Variants in GRK5 observed in about 807,000 individuals in gnomAD.
GRK5 encodes the protein G protein-coupled receptor kinase 5.
Under a neutral mutation model 78.4 loss-of-function variants are expected in GRK5, and 40 were observed. The observed-to-expected ratio is 0.51, with a 90% CI of 0.40 to 0.66. GRK5 has a LOEUF of 0.66. Among genes scored for constraint, GRK5 ranks in the 30% least tolerant of loss-of-function variants. GRK5 has a pLI of 0.00. For missense variants in GRK5, 598 were observed against 759.9 expected, an observed-to-expected ratio of 0.79 and a Z score of 2.50; for synonymous variants, 289 against 296.8, an observed-to-expected ratio of 0.97 and a Z score of 0.27.
At chr10:119,320,814 T>A (rs1265317412) in intron 1 of GRK5, among the ~76,000 whole-genome samples, 1 of 152,218 alleles carries the variant, frequency 6.6e-6, no homozygotes, top group African/African-American at 2.4e-5. Context: ...CCATTCCTGC[T>A]GCTGGGACCT....
chr10:119,444,611 G>A (rs1853106481), intron 12 of GRK5, among the ~76,000 whole-genome samples: 1 of 152,176 alleles, frequency 6.6e-6, no homozygotes, highest in African/African-American at 2.4e-5. Flanking sequence ...ACTGCAAGCA[G>A]CTGCCCTCTA....
At chr10:119,401,992 G>C (rs1315937829) in intron 4 of GRK5, among the ~76,000 whole-genome samples, 1 of 152,184 alleles carries the variant, frequency 6.6e-6, no homozygotes, top group African/African-American at 2.4e-5. Context: ...GATCCTGGCT[G>C]CTCCTGTGGC....
intron 1 of GRK5, among the ~76,000 whole-genome samples, chr10:119,290,795 T>A (rs993959833): frequency 1.3e-5 from 2 of 152,010 alleles, no homozygotes; most frequent in Admixed American, 6.6e-5. Context: ...TCTGCTCACA[T>A]CGGTCCTGCA....
intron 15 of GRK5, among the ~76,000 whole-genome samples, chr10:119,454,620 C>T (rs1038628672): frequency 1.3e-5 from 2 of 152,190 alleles, no homozygotes; most frequent in Non-Finnish European, 2.9e-5. Context: ...TCCCGTGTTA[C>T]AGGAGAGGAA....
At chr10:119,300,916 C>T (rs986333356) in intron 1 of GRK5, among the ~76,000 whole-genome samples, 3 of 152,030 alleles carry the variant, frequency 2.0e-5, no homozygotes, top group African/African-American at 7.3e-5. Flanking sequence ...ATGGTAAAAC[C>T]CCGTATCAAC....
rs575547193 is a variant in GRK5, at chr10:119,305,082, G to A, written c.53-21434G>A. 1.1e-4 allele frequency among the ~76,000 whole-genome samples: 16 copies of A among 151,942 alleles called. No homozygotes were observed. The South Asian group carries it at 2.9e-3, about 28-fold the overall frequency. On this transcript the variant is annotated intron_variant, in intron 1 of 15. Transcript: ENST00000392870. ...AAAAATCTTGGGTGTCTGGCTGTGG[G>A]GAGCTGCAGGAAAGCCCAGATGAGG... is the stretch of plus-strand genomic sequence containing the variant.
At chr10:119,229,054 T>C (rs1008115458) in intron 1 of GRK5, among the ~76,000 whole-genome samples, 1 of 152,170 alleles carries the variant, frequency 6.6e-6, no homozygotes, top group African/African-American at 2.4e-5. Context: ...CTGTTTTGAC[T>C]CCGCTAGATG....
intron 4 of GRK5, among the ~76,000 whole-genome samples, chr10:119,413,696 T>G (rs562041207): frequency 6.6e-6 from 1 of 152,166 alleles, no homozygotes; most frequent in East Asian, 1.9e-4. Context: ...TCCACATCTG[T>G]GACCCCGGAA....
chr10:119,443,482 G>T, intron 11 of GRK5, 62 bp from the exon 12 acceptor site: 1 of 1,475,818 alleles, frequency 6.8e-7, no homozygotes, highest in South Asian at 1.2e-5. Flanking sequence ...CAGGCCTTCT[G>T]TGAGCAGCGC....
At chr10:119,432,965 G>C (rs1852848900) in intron 8 of GRK5, among the ~76,000 whole-genome samples, 1 of 152,168 alleles carries the variant, frequency 6.6e-6, no homozygotes, top group Non-Finnish European at 1.5e-5. Flanking sequence ...CAGCTACTTG[G>C]GAGGCTGAGG....
intron 1 of GRK5, among the ~76,000 whole-genome samples, chr10:119,317,383 TGC>T (rs1850507680): frequency 7.6e-6 from 1 of 132,070 alleles, no homozygotes; most frequent in South Asian, 2.5e-4. Context: ...TGTGTGTGTG[TGC>T]CCAAAATAGG....
intron 10 of GRK5, 81 bp downstream of exon 10, chr10:119,439,849 G>C (rs1423699356): frequency 7.0e-7 from 1 of 1,423,826 alleles, no homozygotes; most frequent in Non-Finnish European, 9.9e-7. Flanking sequence ...TTCTCAGAGA[G>C]GGCTGGGGAA....
At chr10:119,296,436 G>A (rs955387956) in intron 1 of GRK5, among the ~76,000 whole-genome samples, 8 of 152,202 alleles carry the variant, frequency 5.3e-5, no homozygotes, top group African/African-American at 1.9e-4. Context: ...TAAAGGGAGA[G>A]GAACCACTGG....
intron 2 of GRK5, chr10:119,333,443 T>G (rs1589750076): frequency 4.7e-6 from 1 of 211,490 alleles, no homozygotes; most frequent in East Asian, 1.4e-4. Context: ...TGATGTCAGG[T>G]TTTCACAGAA....
At chr10:119,397,718 C>T (rs556864817) in intron 4 of GRK5, among the ~76,000 whole-genome samples, 1 of 152,362 alleles carries the variant, frequency 6.6e-6, no homozygotes, top group Non-Finnish European at 1.5e-5. Flanking sequence ...CAACCTCCTG[C>T]ACCTCTTGCA....
chr10:119,336,962 G>A lies in GRK5; in HGVS notation c.148+10351G>A, dbSNP rs989291020. On this transcript the variant is annotated intron_variant, in intron 2 of 15. Coordinates refer to ENST00000392870, the MANE Select transcript of GRK5 (RefSeq NM_005308.3). The surrounding 1 kb of genome is among the most constrained non-coding windows in gnomAD (Gnocchi z 4.5). Reference sequence around the variant, plus strand: ...CGGCCGGAAGCTCCTTGAAAGAGAAGGCACGAGCTCAGGCACATGCAAGAT... The same window carrying A: ...CGGCCGGAAGCTCCTTGAAAGAGAAAGCACGAGCTCAGGCACATGCAAGAT... Among the ~76,000 whole-genome samples, 1 of 152,156 alleles carries A rather than the reference G, an allele frequency of 6.6e-6. No homozygotes were observed. Among genetic ancestry groups the A allele is most frequent in the Non-Finnish European group, 1.5e-5 (1 of 68,028 alleles).
intron 1 of GRK5, among the ~76,000 whole-genome samples, chr10:119,255,598 C>T (rs1312390684): frequency 6.6e-6 from 1 of 152,214 alleles, no homozygotes; most frequent in Non-Finnish European, 1.5e-5. Context: ...ACTCAGAGAG[C>T]TCTGTGGCTG....
At chr10:119,224,385 ATTTATTAT>A (rs946078446) in intron 1 of GRK5, among the ~76,000 whole-genome samples, 5 of 121,922 alleles carry the variant, frequency 4.1e-5, no homozygotes, top group African/African-American at 1.1e-4. Flanking sequence ...TTATTTATTA[ATTTATTAT>A]TTATTTATTT....
chr10:119,351,388 T>G (rs1186867322), intron 2 of GRK5, among the ~76,000 whole-genome samples: 1 of 152,132 alleles, frequency 6.6e-6, no homozygotes, highest in East Asian at 1.9e-4. Flanking sequence ...AGTTGAATCA[T>G]GGGGGTGGTT....
Sources: gnomAD v4.1 joint callset for allele counts (sites outside exome capture counted in the v4.1 genomes callset) on GRCh38, gnomAD v4.1.1 for gene constraint, Gnocchi (gnomAD v3.1) non-coding constraint, MANE v1.5 for transcripts, NCBI Gene and HGNC (gene_info 2026-07-23, HGNC 2026-07-21) for gene names.